Variants in MRE11 observed in about 807,000 individuals in gnomAD.
The protein encoded by MRE11 is MRE11 double strand break repair nuclease, also known as double-strand break repair protein MRE11.
MRE11 carries 62 observed loss-of-function variants against 91.7 expected under a neutral mutation model. The observed-to-expected ratio is 0.68, with a 90% CI of 0.55 to 0.84. The LOEUF is 0.84. Among genes scored for constraint, MRE11 ranks in the 40% least tolerant of loss-of-function variants. The pLI is 0.00. For synonymous variants in MRE11, 273 were observed against 271.4 expected (o/e 1.01, Z -0.06); for missense variants, 796 against 852.9 (o/e 0.93, Z 0.83).
At chr11:94,470,373 A>C in intron 9 of MRE11, 98 bp downstream of exon 9, 1 of 1,202,082 alleles carries the variant, frequency 8.3e-7, no homozygotes, top group Non-Finnish European at 1.2e-6. Flanking sequence ...GAATGTAATC[A>C]ACATAAAGGC....
rs201800515 is a variant in MRE11 at position 94,419,465 on chromosome 11, G to GGAGAGAGA, written c.*652_*659dup. On this transcript the variant is annotated 3_prime_UTR_variant, in exon 20 of 20. Coordinates refer to ENST00000323929, the MANE Select transcript of MRE11 (RefSeq NM_005591.4). ...GAAGAGTGGGGAACGGGGGGGAGAG[G>GGAGAGAGA]GAGAGAGAGAGAGAGAGAGAGAGAG... is the stretch of plus-strand genomic sequence containing the variant. 0.018 allele frequency: 3,995 copies of GGAGAGAGA among 216,124 alleles called. 37 individuals are homozygous for GGAGAGAGA. The highest frequency in any genetic ancestry group is 0.024 in the Middle Eastern group (17 of 714). The allele number at this position is 216,124 out of a possible 1,614,324, so 13.4% of individuals were successfully genotyped here. A position where few individuals can be genotyped will look rare whatever the true frequency, so the allele number is the denominator to read the frequency against.
At position 94,457,887 on chromosome 11, in the gene MRE11, T is replaced by TCTCTCTCACACA. The variant is rs372404360; in HGVS notation, c.1500+1520_1500+1521insTGTGTGAGAGAG. Among the ~76,000 whole-genome samples the TCTCTCTCACACA allele has an allele frequency of 3.8e-3, 549 of 144,294 alleles. 7 individuals are homozygous for TCTCTCTCACACA. The highest frequency in any genetic ancestry group is 6.9e-3 in the African/African-American group (266 of 38,656). 94.7% of individuals were successfully genotyped at this position (144,294 alleles called of 152,430 possible). A position where few individuals can be genotyped will look rare whatever the true frequency, so the allele number is the denominator to read the frequency against. On this transcript the variant is annotated intron_variant, in intron 13 of 19. Coordinates refer to ENST00000323929, the MANE Select transcript of MRE11 (RefSeq NM_005591.4). Reference sequence around the variant, plus strand: ...TTCTCTCTCTCCCTCTCTCTCTCTCTCACACACACACACACACACACACAC... The same window carrying TCTCTCTCACACA: ...TTCTCTCTCTCCCTCTCTCTCTCTCTCTCTCTCACACACACACACACACACACACACACACAC...
intron 18 of MRE11, among the ~76,000 whole-genome samples, chr11:94,434,548 T>C (rs576388848): frequency 1.3e-5 from 2 of 152,284 alleles, no homozygotes; most frequent in African/African-American, 4.8e-5. Flanking sequence ...TATAAGGCTT[T>C]TTCCTCAATC....
chr11:94,498,394 C>G (rs1947448885), upstream of MRE11: 1 of 1,613,278 alleles, frequency 6.2e-7, no homozygotes, highest in Non-Finnish European at 8.5e-7. Flanking sequence ...TAGAACTCCT[C>G]CTGATGAACC....
At chr11:94,494,504 T>C (rs11020803), upstream of MRE11, among the ~76,000 whole-genome samples, 47,152 of 152,068 alleles carry the variant, frequency 0.31, 7,743 homozygotes, top group Middle Eastern at 0.41. Flanking sequence ...GTAAGGTTTA[T>C]AGCCCCGCCT....
intron 16 of MRE11, among the ~76,000 whole-genome samples, chr11:94,440,238 T>C (rs1411205743): frequency 6.6e-6 from 1 of 152,202 alleles, no homozygotes; most frequent in Admixed American, 6.5e-5. Context: ...CTTAAAAAAA[T>C]TAGTCAAGCC....
intron 19 of MRE11, among the ~76,000 whole-genome samples, chr11:94,421,935 T>C (rs949257472): frequency 7.2e-5 from 11 of 152,198 alleles, no homozygotes; most frequent in Non-Finnish European, 1.5e-4. Flanking sequence ...TTCAGGGATA[T>C]AGATTTTCAG....
chr11:94,497,981 CT>C (rs1947440413), upstream of MRE11: 7 of 984,568 alleles, frequency 7.1e-6, no homozygotes, highest in Non-Finnish European at 1.0e-5. Flanking sequence ...TTTTATTCAA[CT>C]TAATTAAATC....
chr11:94,510,099 G>A, the MRE11 span, among the ~76,000 whole-genome samples: 1 of 152,088 alleles, frequency 6.6e-6, no homozygotes, highest in Admixed American at 6.5e-5. Flanking sequence ...ATTCTTAAAT[G>A]TTTGGAAGAT....
At chr11:94,485,386 G>A (rs1462773634) in intron 4 of MRE11, among the ~76,000 whole-genome samples, 1 of 152,010 alleles carries the variant, frequency 6.6e-6, no homozygotes, top group Non-Finnish European at 1.5e-5. Context: ...AAATATTTCT[G>A]TCAACAAGAG....
In MRE11 at chr11:94,470,554, T is replaced by A; in HGVS notation, c.934A>T (p.Ile312Phe). The A allele has an allele frequency of 1.2e-6, 2 of 1,613,192 alleles. No homozygotes were observed. Among genetic ancestry groups the A allele is most frequent in the South Asian group, 2.2e-5 (2 of 91,052 alleles). The change falls in exon 9 of 20, where the codon ATT becomes TTT. Residue 312 changes from isoleucine (I) to phenylalanine (F), a missense_variant. Physicochemically the swap from Ile to Phe is conservative, Grantham distance 21 (BLOSUM62 0). Transcript: ENST00000323929. ...HTVRQFFMED[I>F]VLANHPDIFN... is the part of the protein sequence containing the mutation. ...ATGTCTGGATGATTAGCTAGAACAA[T>A]ATCCTCCATGAAAAACTGCCGCACT...
At chr11:94,439,420 G>A (rs1207847315) in intron 16 of MRE11, among the ~76,000 whole-genome samples, 1 of 152,146 alleles carries the variant, frequency 6.6e-6, no homozygotes, top group African/African-American at 2.4e-5. Context: ...AAATCAATTA[G>A]ATAAAAGACA....
At chr11:94,441,870 G>A (rs578244742) in intron 16 of MRE11, among the ~76,000 whole-genome samples, 2 of 150,968 alleles carry the variant, frequency 1.3e-5, no homozygotes, top group Non-Finnish European at 2.9e-5. Flanking sequence ...CCAGCGACTC[G>A]GGAGGCTAAG....
chr11:94,469,868 AGCAAGTGAT>A, intron 9 of MRE11, among the ~76,000 whole-genome samples: 1 of 152,210 alleles, frequency 6.6e-6, no homozygotes, highest in Non-Finnish European at 1.5e-5. Context: ...ACTGAGCGTC[AGCAAGTGAT>A]GCTAATTAAG....
rs1464011030 is a variant in MRE11, at chr11:94,417,552, C to T, written c.*2573G>A. On this transcript the variant is annotated 3_prime_UTR_variant, in exon 20 of 20. Coordinates refer to ENST00000323929, the MANE Select transcript of MRE11 (RefSeq NM_005591.4). ...ATTTTAGATTTGCAGTTGCATCCTC[C>T]TAACTGCGTCTAATGGCAGAAGCAC... The T allele has an allele frequency of 8.6e-6, 2 of 232,882 alleles. No homozygotes were observed. Among genetic ancestry groups the T allele is most frequent in the African/African-American group, 4.4e-5 (2 of 45,326 alleles). 14.4% of individuals were successfully genotyped at this position (232,882 alleles called of 1,614,324 possible). A position where few individuals can be genotyped will look rare whatever the true frequency, so the allele number is the denominator to read the frequency against.
chr11:94,504,103 T>C, the MRE11 span, among the ~76,000 whole-genome samples: 1 of 152,174 alleles, frequency 6.6e-6, no homozygotes, highest in Non-Finnish European at 1.5e-5. Flanking sequence ...GGACAGAGGT[T>C]GGACTACAAA....
At chr11:94,427,030 C>T (rs917234746) in intron 19 of MRE11, among the ~76,000 whole-genome samples, 7 of 152,192 alleles carry the variant, frequency 4.6e-5, no homozygotes, top group Non-Finnish European at 8.8e-5. Flanking sequence ...GGAGGCTCCT[C>T]CCTAACTCAT....
At chr11:94,485,393 A>G (rs1163948220) in intron 4 of MRE11, among the ~76,000 whole-genome samples, 1 of 152,216 alleles carries the variant, frequency 6.6e-6, no homozygotes, top group Non-Finnish European at 1.5e-5. Context: ...TCTGTCAACA[A>G]GAGTCCATAA....
chr11:94,464,143 A>G lies in MRE11; in HGVS notation c.1195T>C (p.Phe399Leu), dbSNP rs904951211. Reference protein sequence around the residue: ...VANPKDIIHFFRHREQKEKTG... With the variant: ...VANPKDIIHFLRHREQKEKTG... ...TTTTCCTTTTGTTCTCTATGCCTGAAAAAATGGATAATGTCTTTTGGATTA... is the reference window on the plus strand; with the variant it reads ...TTTTCCTTTTGTTCTCTATGCCTGAGAAAATGGATAATGTCTTTTGGATTA... Residue 399 changes from phenylalanine to leucine, a missense_variant, in exon 11 of 20, where the codon TTC (phenylalanine) becomes CTC (leucine). By Grantham distance (22) the Phe-to-Leu change is conservative. Transcript: ENST00000323929. 6.2e-7 allele frequency: 1 copy of G among 1,613,900 alleles called. No homozygotes were observed. The highest frequency in any genetic ancestry group is 1.7e-5 in the Admixed American group (1 of 60,016).
Sources: gnomAD v4.1 joint callset for allele counts (sites outside exome capture counted in the v4.1 genomes callset) on GRCh38, gnomAD v4.1.1 for gene constraint, MANE v1.5 for transcripts, NCBI Gene and HGNC (gene_info 2026-07-23, HGNC 2026-07-21) for gene names.